Variants in NELL2 observed in about 807,000 individuals in gnomAD.
NELL2 encodes the protein protein kinase C-binding protein NELL2.
NELL2 carries 41 observed loss-of-function variants against 109.6 expected under a neutral mutation model. That is an observed-to-expected ratio of 0.37 (90% CI 0.29 to 0.49). NELL2 has a LOEUF of 0.49. Among genes scored for constraint, NELL2 ranks in the 20% least tolerant of loss-of-function variants. The pLI is 0.98. For synonymous variants in NELL2, 355 were observed against 344.7 expected (o/e 1.03, Z -0.33); for missense variants, 900 against 1,008.3 (o/e 0.89, Z 1.45).
intron 9 of NELL2, among the ~76,000 whole-genome samples, chr12:44,738,101 C>T (rs1470976285): frequency 6.6e-6 from 1 of 152,108 alleles, no homozygotes; most frequent in African/African-American, 2.4e-5. Flanking sequence ...TCTATGAACC[C>T]ACAGCACTTG....
At chr12:44,860,611 T>C (rs1944809513) in intron 2 of NELL2, among the ~76,000 whole-genome samples, 1 of 152,180 alleles carries the variant, frequency 6.6e-6, no homozygotes, top group African/African-American at 2.4e-5. Flanking sequence ...AAGTCTCACA[T>C]TGCATCACAC....
intron 15 of NELL2, among the ~76,000 whole-genome samples, chr12:44,547,819 C>T (rs1166229013): frequency 6.6e-6 from 1 of 152,150 alleles, no homozygotes; most frequent in South Asian, 2.1e-4. Flanking sequence ...CATGCTTTTG[C>T]CAACATGACT....
chr12:44,837,114 G>A (rs1020746454), intron 2 of NELL2, among the ~76,000 whole-genome samples: 3 of 152,176 alleles, frequency 2.0e-5, no homozygotes, highest in Admixed American at 2.0e-4. Flanking sequence ...TGAATAACAA[G>A]AGCTACTATT....
chr12:44,905,561 T>C (rs1320887689), intron 1 of NELL2, among the ~76,000 whole-genome samples: 7 of 152,086 alleles, frequency 4.6e-5, no homozygotes, highest in Non-Finnish European at 1.0e-4. Context: ...CATGGGAAAA[T>C]AGATAAAAAC....
intron 16 of NELL2, among the ~76,000 whole-genome samples, chr12:44,532,222 C>G (rs1212755167): frequency 6.6e-6 from 1 of 152,094 alleles, no homozygotes; most frequent in Non-Finnish European, 1.5e-5. Context: ...TCCCCATTTT[C>G]CCTCTATCTT....
rs1053270777 is a variant in NELL2 at position 44,508,459 on chromosome 12, T to C, written c.*475A>G. On this transcript the variant is annotated 3_prime_UTR_variant, in exon 20 of 20. Transcript: ENST00000429094. ...TCATTACAATAACTTGTTTCAGATT[T>C]CTTTTCAGAGTGTACTGTACATAAC... 4 of 152,844 alleles carry C rather than the reference T, an allele frequency of 2.6e-5. No individual in the cohort carries two copies. Among genetic ancestry groups the C allele is most frequent in the African/African-American group, 9.6e-5 (4 of 41,466 alleles). 9.5% of individuals were successfully genotyped at this position (152,844 alleles called of 1,614,324 possible).
intron 9 of NELL2, among the ~76,000 whole-genome samples, chr12:44,759,592 G>A (rs184293925): frequency 6.6e-6 from 1 of 152,252 alleles, no homozygotes; most frequent in East Asian, 1.9e-4. Context: ...AATCCCAGCT[G>A]AATTCAGTCT....
At chr12:44,702,734 T>C (rs1207178237) in intron 12 of NELL2, among the ~76,000 whole-genome samples, 1 of 152,208 alleles carries the variant, frequency 6.6e-6, no homozygotes, top group Admixed American at 6.6e-5. Context: ...ATGATCCCTT[T>C]AGGACTGAAT....
chr12:44,900,113 A>C (rs922366710), intron 1 of NELL2, among the ~76,000 whole-genome samples: 3 of 152,352 alleles, frequency 2.0e-5, no homozygotes, highest in South Asian at 4.1e-4. Context: ...TTTGTAAAGC[A>C]AGTTCTTAGA....
In NELL2 at chr12:44,587,307, A is replaced by ATTT. The variant is rs67322195; in HGVS notation, c.1663+19859_1663+19861dup. On this transcript the variant is annotated intron_variant, in intron 15 of 19. Transcript: ENST00000429094. ...AAAATATATATATATATATATATAT[A>ATTT]TTTTTTTTTAAATATGAAGTTATAT... Among the ~76,000 whole-genome samples, 323 of 96,630 alleles carry ATTT rather than the reference A, an allele frequency of 3.3e-3. 7 individuals carry two copies. The highest frequency in any genetic ancestry group is 0.013 in the African/African-American group (312 of 23,980). The allele number at this position is 96,630 out of a possible 152,430, so 63.4% of individuals were successfully genotyped here.
At chr12:44,602,837 A>T (rs929845432) in intron 15 of NELL2, among the ~76,000 whole-genome samples, 2 of 152,174 alleles carry the variant, frequency 1.3e-5, no homozygotes, top group Non-Finnish European at 2.9e-5. Context: ...TTATGATGAA[A>T]AATGTGCTAA....
intron 13 of NELL2, among the ~76,000 whole-genome samples, chr12:44,620,471 G>T (rs1023674776): frequency 3.3e-5 from 5 of 152,084 alleles, no homozygotes; most frequent in Non-Finnish European, 5.9e-5. Context: ...TGGCAATCTT[G>T]CAGTATCTCT....
At chr12:44,729,111 A>G (rs987334432) in intron 9 of NELL2, among the ~76,000 whole-genome samples, 3 of 152,154 alleles carry the variant, frequency 2.0e-5, no homozygotes, top group Non-Finnish European at 4.4e-5. Flanking sequence ...TGGTGTATAT[A>G]TCACCTTTAA....
intron 13 of NELL2, among the ~76,000 whole-genome samples, chr12:44,662,047 GA>G (rs1485026302): frequency 6.6e-6 from 1 of 151,952 alleles, no homozygotes; most frequent in Admixed American, 6.6e-5. Context: ...GCATTAATTA[GA>G]AAAAATAATA....
intron 10 of NELL2, among the ~76,000 whole-genome samples, chr12:44,713,207 C>CAGAGAGAGAGAG: frequency 6.9e-6 from 1 of 145,330 alleles, no homozygotes; most frequent in South Asian, 2.1e-4. Context: ...CACACACACA[C>CAGAGAGAGAGAG]ACACACACAG....
At chr12:44,646,233 T>C (rs1360722786) in intron 13 of NELL2, among the ~76,000 whole-genome samples, 1 of 152,176 alleles carries the variant, frequency 6.6e-6, no homozygotes. Context: ...TTCCTTCCCA[T>C]TTTATATAAG....
chr12:44,776,026 C>T lies in NELL2; in HGVS notation c.887G>A (p.Cys296Tyr). The change falls in exon 8 of 20, where the codon TGC becomes TAC. Residue 296 changes from cysteine (C) to tyrosine (Y), a missense_variant. Physicochemically the swap from Cys to Tyr is radical, Grantham distance 194. Coordinates refer to ENST00000429094, the MANE Select transcript of NELL2 (RefSeq NM_001145108.2). ...CAACTCAAATAGAAGCCATACCAGGCATGTGCAGTTCTTACAGCCGTCTAT... is the reference window on the plus strand; with the variant it reads ...CAACTCAAATAGAAGCCATACCAGGTATGTGCAGTTCTTACAGCCGTCTAT... ...SWIDGCKNCT[C>Y]LNGTIQCETL... 1 of 1,613,322 alleles carries T rather than the reference C, an allele frequency of 6.2e-7. No homozygotes were observed. The highest frequency in any genetic ancestry group is 8.5e-7 in the Non-Finnish European group (1 of 1,179,720).
intron 15 of NELL2, among the ~76,000 whole-genome samples, chr12:44,586,217 A>G (rs1004225973): frequency 6.1e-5 from 9 of 148,552 alleles, no homozygotes; most frequent in African/African-American, 2.2e-4. Context: ...ATATATAATC[A>G]TATATATCTA....
intron 15 of NELL2, among the ~76,000 whole-genome samples, chr12:44,539,213 A>G (rs1464701094): frequency 6.6e-6 from 1 of 152,168 alleles, no homozygotes; most frequent in Admixed American, 6.6e-5. Flanking sequence ...TATAATTTTA[A>G]TTCAGGAGAA....
Sources: gnomAD v4.1 joint callset for allele counts (sites outside exome capture counted in the v4.1 genomes callset) on GRCh38, gnomAD v4.1.1 for gene constraint, MANE v1.5 for transcripts, NCBI Gene and HGNC (gene_info 2026-07-23, HGNC 2026-07-21) for gene names.